Variants in PABPC4L observed in about 807,000 individuals in gnomAD.
PABPC4L encodes polyadenylate-binding protein 4-like.
For missense variants in PABPC4L, 452 were observed against 451.4 expected (o/e 1.00, Z -0.01); for synonymous variants, 169 against 164.1 (o/e 1.03, Z -0.23).
chr4:133,950,075 G>A, the PABPC4L span, among the ~76,000 whole-genome samples: 1 of 152,172 alleles, frequency 6.6e-6, no homozygotes, highest in Non-Finnish European at 1.5e-5. Context: ...TCCAGAGGAA[G>A]GGGGATGCCA....
chr4:134,075,554 T>G, the PABPC4L span, among the ~76,000 whole-genome samples: 1 of 152,140 alleles, frequency 6.6e-6, no homozygotes, highest in South Asian at 2.1e-4. Flanking sequence ...AAGTAGACTG[T>G]GTTAAGACTT....
the PABPC4L span, among the ~76,000 whole-genome samples, chr4:133,952,298 G>A: frequency 6.6e-5 from 10 of 152,204 alleles, no homozygotes; most frequent in East Asian, 1.6e-3. Context: ...GGCAAAGAGT[G>A]TCCTAATCTT....
rs905467735 is a variant in PABPC4L at position 134,196,682 on chromosome 4, A to G, written c.*3225T>C. On this transcript the variant is annotated 3_prime_UTR_variant, in exon 2 of 2. Transcript: ENST00000421491. ...AAGGCACTTGGGCACAAAAGATTTA[A>G]TATTCTTTAATGAATGAATCTCTAT... 6.6e-6 allele frequency: 1 copy of G among 151,750 alleles called. No homozygotes were observed. The highest frequency in any genetic ancestry group is 2.4e-5 in the African/African-American group (1 of 41,414). 9.4% of individuals were successfully genotyped at this position (151,750 alleles called of 1,614,324 possible).
At chr4:134,156,049 A>G in the PABPC4L span, among the ~76,000 whole-genome samples, 1 of 151,980 alleles carries the variant, frequency 6.6e-6, no homozygotes, top group South Asian at 2.1e-4. Flanking sequence ...TTGGAACTTA[A>G]GTAACATTTG....
At chr4:134,181,001 G>A in the PABPC4L span, among the ~76,000 whole-genome samples, 2 of 151,714 alleles carry the variant, frequency 1.3e-5, no homozygotes, top group African/African-American at 2.4e-5. Context: ...AAAAATTGAG[G>A]AGGTGAGAAT....
At chr4:134,125,360 G>C in the PABPC4L span, among the ~76,000 whole-genome samples, 1 of 151,574 alleles carries the variant, frequency 6.6e-6, no homozygotes, top group Non-Finnish European at 1.5e-5. Context: ...TGTGCACAAA[G>C]TGCAGGTTAG....
At chr4:134,160,500 G>A in the PABPC4L span, among the ~76,000 whole-genome samples, 3 of 152,266 alleles carry the variant, frequency 2.0e-5, no homozygotes, top group African/African-American at 4.8e-5. Flanking sequence ...AGAAGGATAA[G>A]TACAAACAAG....
At chr4:134,093,034 C>G in the PABPC4L span, among the ~76,000 whole-genome samples, 2 of 151,874 alleles carry the variant, frequency 1.3e-5, no homozygotes, top group Non-Finnish European at 2.9e-5. Flanking sequence ...AAAAGTAGCT[C>G]AATAATTTTT....
chr4:134,112,759 T>G, the PABPC4L span, among the ~76,000 whole-genome samples: 3 of 151,970 alleles, frequency 2.0e-5, no homozygotes, highest in African/African-American at 7.2e-5. Context: ...GATTTTACTA[T>G]TCTATGCTTT....
the PABPC4L span, among the ~76,000 whole-genome samples, chr4:134,060,994 T>C: frequency 6.6e-6 from 1 of 151,808 alleles, no homozygotes; most frequent in Non-Finnish European, 1.5e-5. Flanking sequence ...AAAGAATGAA[T>C]AAGACCTAGT....
chr4:134,098,100 A>G, the PABPC4L span, among the ~76,000 whole-genome samples: 1 of 151,866 alleles, frequency 6.6e-6, no homozygotes, highest in Non-Finnish European at 1.5e-5. Flanking sequence ...TAGCAGTCTT[A>G]CATATTTCAT....
the PABPC4L span, among the ~76,000 whole-genome samples, chr4:133,976,026 T>C: frequency 6.6e-6 from 1 of 152,188 alleles, no homozygotes; most frequent in Non-Finnish European, 1.5e-5. Context: ...TAGGTAAATG[T>C]GTGCCATAGT....
At chr4:134,108,905 T>A in the PABPC4L span, among the ~76,000 whole-genome samples, 1 of 151,942 alleles carries the variant, frequency 6.6e-6, no homozygotes, top group Admixed American at 6.6e-5. Flanking sequence ...AATAATGTGT[T>A]CAGAAGAAAT....
chr4:133,977,406 C>T, the PABPC4L span, among the ~76,000 whole-genome samples: 1 of 151,898 alleles, frequency 6.6e-6, no homozygotes. Flanking sequence ...GCTTTTTTGT[C>T]GTTCTGTATG....
the PABPC4L span, among the ~76,000 whole-genome samples, chr4:134,058,387 T>C: frequency 1.3e-5 from 2 of 151,982 alleles, no homozygotes; most frequent in Non-Finnish European, 1.5e-5. Flanking sequence ...GCACTTCTTA[T>C]GATAAACTAG....
chr4:134,006,687 G>A, the PABPC4L span, among the ~76,000 whole-genome samples: 2 of 151,738 alleles, frequency 1.3e-5, no homozygotes, highest in African/African-American at 4.8e-5. Context: ...AAGGTATTTG[G>A]GAGGTTGCTT....
At chr4:134,087,492 A>T in the PABPC4L span, among the ~76,000 whole-genome samples, 1 of 152,162 alleles carries the variant, frequency 6.6e-6, no homozygotes, top group Non-Finnish European at 1.5e-5. Flanking sequence ...GGGCAATTAT[A>T]AAGGTTTTAC....
At chr4:134,095,333 T>C in the PABPC4L span, among the ~76,000 whole-genome samples, 3 of 151,984 alleles carry the variant, frequency 2.0e-5, no homozygotes, top group African/African-American at 7.2e-5. Context: ...TCTAGTGTGA[T>C]ACAATAGCTA....
chr4:134,147,393 T>A, the PABPC4L span, among the ~76,000 whole-genome samples: 1 of 152,146 alleles, frequency 6.6e-6, no homozygotes, highest in African/African-American at 2.4e-5. Flanking sequence ...CTTCCTTTAA[T>A]TTAACTTAAA....
Sources: allele counts gnomAD v4.1 joint callset (sites outside exome capture counted in the v4.1 genomes callset), GRCh38; gene constraint gnomAD v4.1.1; transcripts MANE v1.5; gene names NCBI Gene and HGNC (gene_info 2026-07-23, HGNC 2026-07-21).